Variants in CDH17 observed in about 807,000 individuals in gnomAD.
CDH17 encodes cadherin 17, also known as cadherin-17.
A neutral mutation model predicts 86.3 loss-of-function variants in CDH17; 67 were observed. The ratio of observed to expected loss-of-function variants is 0.78; its 90% CI spans 0.64 to 0.95. The LOEUF is 0.95. Among genes scored for constraint, CDH17 ranks in the 40% least tolerant of loss-of-function variants. CDH17 has a pLI of 0.00. For missense variants in CDH17, 993 were observed against 1,017.6 expected, an observed-to-expected ratio of 0.98 and a Z score of 0.33; for synonymous variants, 367 against 366.4, an observed-to-expected ratio of 1.00 and a Z score of -0.02.
chr8:94,152,161 T>TA, intron 12 of CDH17, 49 bp from the exon 13 acceptor site: 2 of 1,596,920 alleles, frequency 1.3e-6, no homozygotes, highest in Non-Finnish European at 1.7e-6. Context: ...TTAGCTCCCT[T>TA]AAAAGATTCA....
intron 15 of CDH17, among the ~76,000 whole-genome samples, chr8:94,144,916 C>T (rs538784356): frequency 3.3e-5 from 5 of 152,214 alleles, no homozygotes; most frequent in South Asian, 2.1e-4. Context: ...TGCTCAACAC[C>T]GCTAGTCATT....
At chr8:94,163,769 CA>C (rs1259927664) in intron 10 of CDH17, among the ~76,000 whole-genome samples, 1 of 152,214 alleles carries the variant, frequency 6.6e-6, no homozygotes, top group African/African-American at 2.4e-5. Flanking sequence ...AATCCAATTA[CA>C]ACCAAGTGGA....
chr8:94,191,597 A>AC (rs61398938), intron 2 of CDH17, among the ~76,000 whole-genome samples: 3 of 151,098 alleles, frequency 2.0e-5, no homozygotes, highest in East Asian at 3.9e-4. Flanking sequence ...CATTACAGGC[A>AC]CCCCCCCACC....
In CDH17 at chr8:94,172,489, C is replaced by T. The variant is rs141312716; in HGVS notation, c.783+1308G>A. On this transcript the variant is annotated intron_variant, in intron 7 of 17. Transcript: ENST00000027335. ...AGACTAGTACTTCTTCATAATAATA[C>T]CTTTTATATCTAATATTTTTATCTA... Among the ~76,000 whole-genome samples the T allele has an allele frequency of 4.2e-3, 634 of 151,996 alleles. 6 individuals carry two copies. Among genetic ancestry groups the T allele is most frequent in the African/African-American group, 0.011 (458 of 41,464 alleles).
intron 1 of CDH17, among the ~76,000 whole-genome samples, chr8:94,200,560 T>G (rs1203005298): frequency 7.1e-6 from 1 of 141,090 alleles, no homozygotes. Context: ...TTTTTTTTTT[T>G]TTTTTTTTAC....
intron 3 of CDH17, among the ~76,000 whole-genome samples, chr8:94,180,739 C>CA (rs1813465550): frequency 6.6e-6 from 1 of 151,760 alleles, no homozygotes; most frequent in South Asian, 2.1e-4. Context: ...ACTAAAAACA[C>CA]AAAAAATTAG....
At chr8:94,174,336 T>C (rs1235191117) in intron 5 of CDH17, 76 bp from the exon 6 acceptor site, 2 of 1,443,630 alleles carry the variant, frequency 1.4e-6, no homozygotes, top group African/African-American at 2.8e-5. Flanking sequence ...AGCTACTTTT[T>C]CCATCTAAAA....
intron 12 of CDH17, among the ~76,000 whole-genome samples, chr8:94,159,609 C>A (rs1240463848): frequency 2.0e-5 from 3 of 152,094 alleles, no homozygotes; most frequent in African/African-American, 7.2e-5. Context: ...CATAGAACAC[C>A]AAGTTCGATT....
chr8:94,145,248 C>T (rs2340023), intron 15 of CDH17, among the ~76,000 whole-genome samples: 14,503 of 152,160 alleles, frequency 0.095, 777 homozygotes, highest in Middle Eastern at 0.14. Flanking sequence ...GAGTTACAAT[C>T]AACAGGTGAA....
In CDH17 at chr8:94,187,029, G is replaced by A. The variant is rs574634243; in HGVS notation, c.150+2158C>T. 1.7e-3 allele frequency among the ~76,000 whole-genome samples: 256 copies of A among 152,284 alleles called. 1 individual carries two copies. The highest frequency in any genetic ancestry group is 6.0e-3 in the African/African-American group (249 of 41,550). On this transcript the variant is annotated intron_variant, in intron 3 of 17. Coordinates refer to ENST00000027335, the MANE Select transcript of CDH17 (RefSeq NM_004063.4). ...GCTTCCTGACTGTGAGCACCTGCTC[G>A]TTTTTGAGTACTCAGTTTAGGAGTC...
At chr8:94,129,613 C>T (rs1261162782) in intron 17 of CDH17, among the ~76,000 whole-genome samples, 1 of 152,152 alleles carries the variant, frequency 6.6e-6, no homozygotes, top group Non-Finnish European at 1.5e-5. Context: ...CACTCAGGTA[C>T]ACATGAAATA....
intron 15 of CDH17, among the ~76,000 whole-genome samples, chr8:94,136,930 T>A (rs1812541363): frequency 6.6e-6 from 1 of 152,210 alleles, no homozygotes; most frequent in Non-Finnish European, 1.5e-5. Context: ...AGACCCTGTT[T>A]GCCTGGGTAT....
Position 94,151,920 on chromosome 8 carries a change from C to T in CDH17, c.1744G>A (p.Gly582Ser). ...GCAGTCACATTGCCCACTTTAGTGC[C>T]TATAGCTACATCCTCACTGACTTTC... Reference protein sequence around the residue: ...QAKVSEDVAIGTKVGNVTAKD... With the variant: ...QAKVSEDVAISTKVGNVTAKD... The change falls in exon 13 of 18, where the codon GGC becomes AGC. Residue 582 changes from glycine (G) to serine (S), a missense_variant. Transcript: ENST00000027335. 1 of 1,614,144 alleles carries T rather than the reference C, an allele frequency of 6.2e-7. No homozygotes were observed. Among genetic ancestry groups the T allele is most frequent in the Non-Finnish European group, 8.5e-7 (1 of 1,180,006 alleles).
intron 3 of CDH17, among the ~76,000 whole-genome samples, chr8:94,180,809 A>C (rs1188602402): frequency 6.6e-6 from 1 of 151,968 alleles, no homozygotes; most frequent in Non-Finnish European, 1.5e-5. Flanking sequence ...GCAGGAGAAT[A>C]GCGTGAACCC....
intron 12 of CDH17, among the ~76,000 whole-genome samples, chr8:94,157,661 G>C (rs13258642): frequency 0.018 from 2,722 of 152,282 alleles, 46 homozygotes; most frequent in Middle Eastern, 0.027. Flanking sequence ...AAACACCTGT[G>C]ATCCCAGCAA....
intron 12 of CDH17, among the ~76,000 whole-genome samples, chr8:94,156,507 A>G (rs144772275): frequency 1.3e-5 from 2 of 152,338 alleles, no homozygotes; most frequent in Non-Finnish European, 2.9e-5. Context: ...CCCCAAGAGC[A>G]TGATAACCAA....
Position 94,176,681 on chromosome 8 carries a change from T to G in CDH17, c.286-2A>C. On this transcript the variant is annotated splice_acceptor_variant, in intron 4 of 17. Coordinates refer to ENST00000027335, the MANE Select transcript of CDH17 (RefSeq NM_004063.4). LOFTEE classifies it high-confidence loss of function. ...TCCATTAGCGTCCAGGGCTGCAACC[T>G]GATGTTGAGGAAAAGGAAACCATGT... The G allele has an allele frequency of 6.2e-7, 1 of 1,608,810 alleles. No individual in the cohort carries two copies. The highest frequency in any genetic ancestry group is 8.5e-7 in the Non-Finnish European group (1 of 1,178,086).
Position 94,189,246 on chromosome 8 carries a change from G to A in CDH17, c.91C>T (p.Leu31=). Residue 31 remains leucine (L), a synonymous_variant, in exon 3 of 18, where the codon CTG becomes TTG. Transcript: ENST00000027335. ...TAAATAGAAAATGTCATGGGTTTCA[G>A]GGGTCCACTAAACTTCCCCTCTTGG... ...YGQEGKFSGP[L]KPMTFSIYEG... The A allele has an allele frequency of 1.2e-6, 2 of 1,612,694 alleles. No individual in the cohort carries two copies. Among genetic ancestry groups the A allele is most frequent in the South Asian group, 1.1e-5 (1 of 90,724 alleles).
At chr8:94,191,776 C>A (rs929095873) in intron 2 of CDH17, among the ~76,000 whole-genome samples, 1 of 152,178 alleles carries the variant, frequency 6.6e-6, no homozygotes, top group Non-Finnish European at 1.5e-5. Context: ...CCTTAACTCA[C>A]AAAGTAATGT....
Sources: gnomAD v4.1 joint callset for allele counts (sites outside exome capture counted in the v4.1 genomes callset) on GRCh38, gnomAD v4.1.1 for gene constraint, MANE v1.5 for transcripts, NCBI Gene and HGNC (gene_info 2026-07-23, HGNC 2026-07-21) for gene names.